RSBN1L: variants seen among roughly 807,000 people sequenced by gnomAD.
RSBN1L encodes lysine-specific demethylase RSBN1L.
RSBN1L carries 30 observed loss-of-function variants against 67.7 expected under a neutral mutation model. The ratio of observed to expected loss-of-function variants is 0.44; its 90% CI spans 0.33 to 0.60. RSBN1L has a LOEUF of 0.60. RSBN1L is among the 20% of genes least tolerant of loss of function. RSBN1L has a pLI of 0.02. For missense variants in RSBN1L, 992 were observed against 1,031.7 expected (o/e 0.96, Z 0.53); for synonymous variants, 433 against 387.0 (o/e 1.12, Z -1.39).
chr7:77,750,296 GTTTTTTTTT>G (rs36054297), intron 3 of RSBN1L, among the ~76,000 whole-genome samples: 8 of 57,458 alleles, frequency 1.4e-4, no homozygotes, highest in South Asian at 1.6e-3. Flanking sequence ...AAGATTCTGT[GTTTTTTTTT>G]TTTTTTTTTT....
chr7:77,698,924 A>G (rs1185035557), intron 1 of RSBN1L, among the ~76,000 whole-genome samples: 1 of 152,182 alleles, frequency 6.6e-6, no homozygotes, highest in African/African-American at 2.4e-5. Flanking sequence ...AACTTGGGGA[A>G]TACTTATATC....
intron 5 of RSBN1L, among the ~76,000 whole-genome samples, chr7:77,772,216 G>T (rs1791859081): frequency 1.3e-5 from 2 of 152,176 alleles, no homozygotes; most frequent in Admixed American, 6.5e-5. Context: ...TAATGCAGGG[G>T]TGCACAAAGA....
intron 6 of RSBN1L, among the ~76,000 whole-genome samples, chr7:77,776,158 A>G (rs1333512535): frequency 6.6e-6 from 1 of 152,128 alleles, no homozygotes; most frequent in East Asian, 1.9e-4. Flanking sequence ...CACTTTTTTT[A>G]TATTCTCACT....
chr7:77,707,665 A>G lies in RSBN1L; in HGVS notation c.586+10610A>G, dbSNP rs767195740. 7.2e-5 allele frequency among the ~76,000 whole-genome samples: 11 copies of G among 152,178 alleles called. No individual in the cohort carries two copies. The East Asian group carries it at 7.7e-4, about 11-fold the overall frequency. On this transcript the variant is annotated intron_variant, in intron 1 of 7. Transcript: ENST00000334955. Reference sequence around the variant, plus strand: ...AGGAGTAAATGTTCACTATTACTCAATTTTCTCATTTGATAATAATGAAAG... The same window carrying G: ...AGGAGTAAATGTTCACTATTACTCAGTTTTCTCATTTGATAATAATGAAAG...
At chr7:77,761,538 A>C (rs1452850180) in intron 3 of RSBN1L, among the ~76,000 whole-genome samples, 1 of 152,202 alleles carries the variant, frequency 6.6e-6, no homozygotes, top group Non-Finnish European at 1.5e-5. Flanking sequence ...TTTGGTATAT[A>C]GTTTTGCAAC....
intron 1 of RSBN1L, among the ~76,000 whole-genome samples, chr7:77,712,856 A>C (rs1790993793): frequency 6.6e-6 from 1 of 152,168 alleles, no homozygotes; most frequent in Admixed American, 6.5e-5. Context: ...ACTTAGGATA[A>C]AGTTCTAAAA....
At chr7:77,749,059 G>A (rs921092882) in intron 2 of RSBN1L, among the ~76,000 whole-genome samples, 3 of 152,120 alleles carry the variant, frequency 2.0e-5, no homozygotes, top group African/African-American at 7.2e-5. Flanking sequence ...TTTGAGACCA[G>A]CCTGGCCAAC....
chr7:77,765,415 A>C (rs1183654206), intron 3 of RSBN1L, 80 bp from the exon 4 acceptor site: 10 of 1,096,094 alleles, frequency 9.1e-6, no homozygotes, highest in Non-Finnish European at 1.3e-5. Context: ...GCATTATCTT[A>C]TGTGTAACTT....
intron 1 of RSBN1L, among the ~76,000 whole-genome samples, chr7:77,708,303 C>G (rs1339322819): frequency 1.3e-5 from 2 of 151,552 alleles, no homozygotes; most frequent in Non-Finnish European, 2.9e-5. Context: ...AAGATTGATG[C>G]TTTTGTACGG....
At chr7:77,703,302 G>A (rs977066360) in intron 1 of RSBN1L, among the ~76,000 whole-genome samples, 3 of 151,696 alleles carry the variant, frequency 2.0e-5, no homozygotes, top group Non-Finnish European at 4.4e-5. Flanking sequence ...GCTTTTCTGG[G>A]GTATTGCAGG....
chr7:77,717,570 C>T (rs1171614840), intron 1 of RSBN1L, among the ~76,000 whole-genome samples: 1 of 152,060 alleles, frequency 6.6e-6, no homozygotes, highest in Non-Finnish European at 1.5e-5. Flanking sequence ...AATGCTGTGG[C>T]AAAGTGTTAA....
intron 1 of RSBN1L, among the ~76,000 whole-genome samples, chr7:77,723,192 C>T (rs1447802526): frequency 6.6e-6 from 1 of 152,024 alleles, no homozygotes; most frequent in East Asian, 1.9e-4. Context: ...GCTCAAACTC[C>T]TGACCTCAAG....
At chr7:77,707,087 G>A (rs1790903815) in intron 1 of RSBN1L, among the ~76,000 whole-genome samples, 1 of 149,266 alleles carries the variant, frequency 6.7e-6, no homozygotes, top group Admixed American at 6.7e-5. Flanking sequence ...GCAGTGGCGC[G>A]ATCTTGGCTC....
chr7:77,730,133 C>T (rs1446821575), intron 1 of RSBN1L, among the ~76,000 whole-genome samples: 3 of 151,908 alleles, frequency 2.0e-5, no homozygotes, highest in Non-Finnish European at 4.4e-5. Flanking sequence ...TTCTTTCTTC[C>T]GTTCTTAGAT....
intron 3 of RSBN1L, 34 bp from the exon 4 acceptor site, chr7:77,765,461 T>C: frequency 6.8e-7 from 1 of 1,472,162 alleles, no homozygotes; most frequent in Non-Finnish European, 9.2e-7. Context: ...AAAAAGAACG[T>C]ATTTAACTTT....
chr7:77,742,862 A>C (rs1290445663), intron 2 of RSBN1L, among the ~76,000 whole-genome samples: 1 of 152,146 alleles, frequency 6.6e-6, no homozygotes, highest in African/African-American at 2.4e-5. Context: ...ACAACGAACT[A>C]TATTGTTTGC....
At chr7:77,704,861 A>G (rs1012087598) in intron 1 of RSBN1L, among the ~76,000 whole-genome samples, 3 of 151,920 alleles carry the variant, frequency 2.0e-5, no homozygotes, top group South Asian at 2.1e-4. Flanking sequence ...TATCCCAGCT[A>G]CTTGGGAGGC....
chr7:77,732,203 C>T (rs764038844), intron 1 of RSBN1L, among the ~76,000 whole-genome samples: 4 of 152,132 alleles, frequency 2.6e-5, no homozygotes, highest in Non-Finnish European at 4.4e-5. Flanking sequence ...AATTCTTGGT[C>T]ACAGAAATAA....
intron 1 of RSBN1L, among the ~76,000 whole-genome samples, chr7:77,726,745 G>A (rs559025977): frequency 1.3e-3 from 194 of 149,300 alleles, no homozygotes; most frequent in Admixed American, 3.4e-3. Context: ...TAGTAGCTGG[G>A]ACTACAGGCG....
Sources: gnomAD v4.1 joint callset for allele counts (sites outside exome capture counted in the v4.1 genomes callset) on GRCh38, gnomAD v4.1.1 for gene constraint, MANE v1.5 for transcripts, NCBI Gene and HGNC (gene_info 2026-07-23, HGNC 2026-07-21) for gene names.